The following ALMS1 variants were observed in gnomAD, a reference collection of about 807,000 sequenced individuals.
ALMS1 encodes centrosome-associated protein ALMS1.
In ALMS1, 271 loss-of-function variants were observed where a neutral mutation model predicts 352.2. That is an observed-to-expected ratio of 0.77 (90% CI 0.70 to 0.85). The LOEUF (loss-of-function observed/expected upper bound fraction) is 0.85. Among genes scored for constraint, ALMS1 ranks in the 40% least tolerant of loss-of-function variants. The pLI, the probability that ALMS1 is intolerant of heterozygous loss-of-function variation, is 0.00. For synonymous variants in ALMS1, 1,865 were observed against 1,761.2 expected (o/e 1.06, Z -1.48); for missense variants, 5,445 against 4,870.7 (o/e 1.12, Z -3.51).
rs909811330 is a variant in ALMS1 at position 73,449,516 on chromosome 2, A to G, written c.2989A>G (p.Thr997Ala). ...TGACCAGAAGACTGTCCCAACACCA[A>G]CAGTACCTTCAGGTTCCTTCTCACA... Reference protein sequence around the residue: ...LTDQKTVPTPTVPSGSFSHRE... With the variant: ...LTDQKTVPTPAVPSGSFSHRE... The change falls in exon 8 of 23, where the codon ACA (threonine) becomes GCA (alanine). Residue 997 changes from threonine (T) to alanine (A), a missense_variant. Physicochemically the swap from Thr to Ala is moderately conservative, Grantham distance 58 (BLOSUM62 0). Coordinates refer to ENST00000613296, the MANE Select transcript of ALMS1 (RefSeq NM_001378454.1). 5.0e-6 allele frequency: 8 copies of G among 1,613,678 alleles called. No individual in the cohort carries two copies. The highest frequency in any genetic ancestry group is 5.9e-6 in the Non-Finnish European group (7 of 1,179,910).
chr2:73,556,749 C>T (rs1674553597), intron 13 of ALMS1, among the ~76,000 whole-genome samples: 1 of 151,758 alleles, frequency 6.6e-6, no homozygotes, highest in Admixed American at 6.6e-5. Context: ...GTCGCCCCGG[C>T]TGGAGTGCAG....
chr2:73,412,135 A>G (rs1268134593), intron 2 of ALMS1, among the ~76,000 whole-genome samples: 2 of 152,226 alleles, frequency 1.3e-5, no homozygotes, highest in African/African-American at 4.8e-5. Context: ...CAGTTTGTCA[A>G]GTGAGCTTTG....
At chr2:73,446,995 C>G (rs2103768912) in intron 7 of ALMS1, among the ~76,000 whole-genome samples, 1 of 152,212 alleles carries the variant, frequency 6.6e-6, no homozygotes, top group African/African-American at 2.4e-5. Context: ...TATGTTTTAC[C>G]AATTTATTGT....
intron 11 of ALMS1, among the ~76,000 whole-genome samples, chr2:73,520,753 G>A (rs1324890560): frequency 6.6e-6 from 1 of 152,150 alleles, no homozygotes; most frequent in Non-Finnish European, 1.5e-5. Context: ...TGAACATTTA[G>A]AGTGTTTTAT....
rs774242715 is a variant in ALMS1 at position 73,452,521 on chromosome 2, T to G, written c.5994T>G (p.Ile1998Met). ...YSHSHKEKLK[I>M]STVHIPDDQK... ...ATTCACATAAAGAGAAACTCAAGAT[T>G]TCAACTGTGCATATACCAGATGACC... is the stretch of plus-strand genomic sequence containing the variant. Residue 1998 changes from isoleucine to methionine, a missense_variant, in exon 8 of 23, where the codon ATT becomes ATG. By Grantham distance (10) the Ile-to-Met change is conservative. Coordinates refer to ENST00000613296, the MANE Select transcript of ALMS1 (RefSeq NM_001378454.1). The G allele has an allele frequency of 1.9e-6, 3 of 1,613,908 alleles. No individual in the cohort carries two copies. In the East Asian group the frequency reaches 6.7e-5, roughly 36 times the overall value.
At position 73,463,337 on chromosome 2, in the gene ALMS1, G is replaced by C. The variant is rs562882772; in HGVS notation, c.7674+8042G>C. 6.6e-5 allele frequency among the ~76,000 whole-genome samples: 10 copies of C among 152,248 alleles called. No homozygotes were observed. The South Asian group carries it at 8.3e-4, about 13-fold the overall frequency. ...CAACTACCTGGAAACTGAATAACCT[G>C]CTCCTGAATGACTACTGGGTACATA... On this transcript the variant is annotated intron_variant, in intron 9 of 22. Coordinates refer to ENST00000613296, the MANE Select transcript of ALMS1 (RefSeq NM_001378454.1).
In ALMS1 at chr2:73,424,445, G is replaced by A. The variant is rs1553400683; in HGVS notation, c.780G>A (p.Lys260=). The A allele has an allele frequency of 1.9e-6, 3 of 1,587,838 alleles. No homozygotes were observed. Among genetic ancestry groups the A allele is most frequent in the East Asian group, 2.2e-5 (1 of 44,620 alleles). ...ATATTTTCAGGGGAATTCCTGATAA[G>A]TCTGAAGATACTGAATGGTCTTCTC... The part of the protein sequence containing the change: ...SFAPLRGIPD[K]SEDTEWSSRP... The change falls in exon 5 of 23, where the codon AAG becomes AAA. Residue 260 remains lysine, a synonymous_variant. Transcript: ENST00000613296.
At chr2:73,484,676 A>T (rs903276441) in intron 9 of ALMS1, among the ~76,000 whole-genome samples, 1 of 152,052 alleles carries the variant, frequency 6.6e-6, no homozygotes. Flanking sequence ...GTGTTTTCCA[A>T]CTTGGTTCCA....
intron 16 of ALMS1, among the ~76,000 whole-genome samples, chr2:73,598,938 C>T (rs750722525): frequency 8.5e-5 from 13 of 152,266 alleles, no homozygotes; most frequent in South Asian, 8.3e-4. Context: ...CTCATCAGGA[C>T]GTCTCACGAG....
chr2:73,551,284 T>A (rs1674425888), intron 13 of ALMS1, among the ~76,000 whole-genome samples: 1 of 152,200 alleles, frequency 6.6e-6, no homozygotes, highest in Non-Finnish European at 1.5e-5. Flanking sequence ...GGTAATCAGC[T>A]GCAGCTGAGC....
At chr2:73,473,453 C>G (rs1485701748) in intron 9 of ALMS1, among the ~76,000 whole-genome samples, 1 of 151,974 alleles carries the variant, frequency 6.6e-6, no homozygotes, top group South Asian at 2.1e-4. Flanking sequence ...GGGGGAGAAT[C>G]CAGTATCCAG....
chr2:73,558,455 C>T (rs1190977287), intron 14 of ALMS1, among the ~76,000 whole-genome samples: 2 of 152,166 alleles, frequency 1.3e-5, no homozygotes, highest in Admixed American at 6.5e-5. Context: ...GTTTCATTGC[C>T]TGTAAGGATA....
At chr2:73,522,362 G>A (rs777687552) in intron 11 of ALMS1, among the ~76,000 whole-genome samples, 17 of 151,954 alleles carry the variant, frequency 1.1e-4, no homozygotes, top group Non-Finnish European at 2.4e-4. Context: ...CTACGGGAAC[G>A]ACCAAATAGA....
chr2:73,385,957 C>T lies in ALMS1; in HGVS notation c.89C>T (p.Ala30Val). The change falls in exon 1 of 23, where the codon GCA becomes GTA. Residue 30 changes from alanine (A) to valine (V), a missense_variant. Physicochemically the swap from Ala to Val is moderately conservative, Grantham distance 64. Coordinates refer to ENST00000613296, the MANE Select transcript of ALMS1 (RefSeq NM_001378454.1). ...GAGGAGGAGGAAGAGGAGGAGGCTG[C>T]AGCGGCGGCGGCGGCGAACGTGGAC... ...EEEEEEEEEA[A>V]AAAAANVDDV... 3 of 1,408,564 alleles carry T rather than the reference C, an allele frequency of 2.1e-6. No individual in the cohort carries two copies. Among genetic ancestry groups the T allele is most frequent in the East Asian group, 2.5e-5 (1 of 39,464 alleles). The allele number at this position is 1,408,564 out of a possible 1,614,324, so 87.3% of individuals were successfully genotyped here. A position where few individuals can be genotyped will look rare whatever the true frequency, so the allele number is the denominator to read the frequency against.
intron 9 of ALMS1, among the ~76,000 whole-genome samples, chr2:73,477,360 C>A (rs1361327557): frequency 6.6e-6 from 1 of 151,952 alleles, no homozygotes; most frequent in East Asian, 1.9e-4. Context: ...GTCCTTATGC[C>A]AGCACTGTGC....
chr2:73,409,831 C>G (rs955532950), intron 2 of ALMS1, among the ~76,000 whole-genome samples: 2 of 152,266 alleles, frequency 1.3e-5, no homozygotes, highest in African/African-American at 4.8e-5. Flanking sequence ...GATCTGCAAG[C>G]TGGAGCCCCA....
chr2:73,571,112 G>C (rs939523026), intron 15 of ALMS1, among the ~76,000 whole-genome samples: 1 of 152,136 alleles, frequency 6.6e-6, no homozygotes, highest in Non-Finnish European at 1.5e-5. Context: ...TTCTAAAATT[G>C]TATAGTCTAC....
chr2:73,557,501 A>G lies in ALMS1; in HGVS notation c.10213+147A>G. 4.7e-6 allele frequency: 5 copies of G among 1,071,364 alleles called. No individual in the cohort carries two copies. The Admixed American group carries it at 1.1e-4, about 24-fold the overall frequency. The allele number at this position is 1,071,364 out of a possible 1,614,324, so 66.4% of individuals were successfully genotyped here. On this transcript the variant is annotated intron_variant, in intron 14 of 22. Coordinates refer to ENST00000613296, the MANE Select transcript of ALMS1 (RefSeq NM_001378454.1). Reference sequence around the variant, plus strand: ...TATCTCATGTATATATGAAATAGTTAAGGTATGTTTAGCTATATTTTTTAT... The same window carrying G: ...TATCTCATGTATATATGAAATAGTTGAGGTATGTTTAGCTATATTTTTTAT...
At chr2:73,522,446 T>C (rs1673701045) in intron 11 of ALMS1, among the ~76,000 whole-genome samples, 1 of 151,556 alleles carries the variant, frequency 6.6e-6, no homozygotes, top group South Asian at 2.1e-4. Context: ...TCCTAAGTTG[T>C]CTCAGACTAA....
Sources: gnomAD v4.1 joint callset for allele counts (sites outside exome capture counted in the v4.1 genomes callset) on GRCh38, gnomAD v4.1.1 for gene constraint, MANE v1.5 for transcripts, NCBI Gene and HGNC (gene_info 2026-07-23, HGNC 2026-07-21) for gene names.